DLG1: variants seen among roughly 807,000 people sequenced by gnomAD.
The protein encoded by DLG1 is discs large MAGUK scaffold protein 1.
A neutral mutation model predicts 123.4 loss-of-function variants in DLG1; 42 were observed. The ratio of observed to expected loss-of-function variants is 0.34; its 90% CI spans 0.27 to 0.44. The LOEUF is 0.44. Ranked by LOEUF, DLG1 falls within the 20% of genes least tolerant of loss-of-function variation. DLG1 has a pLI of 1.00. For synonymous variants in DLG1, 317 were observed against 356.2 expected (o/e 0.89, Z 1.24); for missense variants, 942 against 1,082.6 (o/e 0.87, Z 1.82).
chr3:197,145,968 CAACA>C (rs1480702617), intron 6 of DLG1, among the ~76,000 whole-genome samples: 2 of 150,040 alleles, frequency 1.3e-5, no homozygotes, highest in Non-Finnish European at 3.0e-5. Flanking sequence ...CCAACCTGGG[CAACA>C]AACAGAGTGA....
chr3:197,081,491 A>C (rs915346243), intron 16 of DLG1, among the ~76,000 whole-genome samples: 1 of 152,246 alleles, frequency 6.6e-6, no homozygotes, highest in Non-Finnish European at 1.5e-5. Flanking sequence ...AGCTAGAGAA[A>C]GCAAATGTGG....
At chr3:197,297,680 C>T (rs746792091) in intron 1 of DLG1, 220 of 989,130 alleles carry the variant, frequency 2.2e-4, no homozygotes, top group Non-Finnish European at 2.5e-4. Context: ...TGCCTTTCTC[C>T]TTGCTCGCTG....
chr3:197,118,122 A>T (rs934793288), intron 12 of DLG1, among the ~76,000 whole-genome samples: 1 of 152,192 alleles, frequency 6.6e-6, no homozygotes, highest in Non-Finnish European at 1.5e-5. Flanking sequence ...TAAAAGTCCA[A>T]TGCAATATTC....
At chr3:197,275,619 C>G (rs1766045289) in intron 4 of DLG1, among the ~76,000 whole-genome samples, 1 of 152,202 alleles carries the variant, frequency 6.6e-6, no homozygotes, top group South Asian at 2.1e-4. Flanking sequence ...TGAAGGATAT[C>G]TTATGAGAAA....
chr3:197,207,892 A>C (rs1729419362), intron 4 of DLG1, among the ~76,000 whole-genome samples: 1 of 145,766 alleles, frequency 6.9e-6, no homozygotes, highest in Non-Finnish European at 1.5e-5. Flanking sequence ...TATAACAAAG[A>C]CCTATATAGC....
At chr3:197,126,912 G>A (rs1779405488) in intron 11 of DLG1, among the ~76,000 whole-genome samples, 1 of 152,086 alleles carries the variant, frequency 6.6e-6, no homozygotes, top group African/African-American at 2.4e-5. Flanking sequence ...TGGAAGCACT[G>A]TTACTTTAAA....
At chr3:197,248,305 G>A (rs894324980) in intron 4 of DLG1, among the ~76,000 whole-genome samples, 1 of 152,110 alleles carries the variant, frequency 6.6e-6, no homozygotes, top group African/African-American at 2.4e-5. Flanking sequence ...GGTTGCTGCG[G>A]TATCTACTTG....
chr3:197,100,673 AG>A (rs1412461569), intron 14 of DLG1, among the ~76,000 whole-genome samples: 1 of 152,188 alleles, frequency 6.6e-6, no homozygotes, highest in Non-Finnish European at 1.5e-5. Context: ...GAGTAAGAAC[AG>A]GGTATGGAGA....
At chr3:197,275,348 T>G (rs190532871) in intron 4 of DLG1, among the ~76,000 whole-genome samples, 62 of 152,206 alleles carry the variant, frequency 4.1e-4, no homozygotes, top group African/African-American at 1.5e-3. Context: ...GAAAACAGCA[T>G]GGTCATTTCT....
rs375298741 is a variant in DLG1, at chr3:197,158,942, T to C, written c.484-9146A>G. Among the ~76,000 whole-genome samples the C allele has an allele frequency of 9.8e-5, 15 of 152,296 alleles. No homozygotes were observed. The East Asian group carries it at 1.3e-3, about 14-fold the overall frequency. On this transcript the variant is annotated intron_variant, in intron 5 of 24. Transcript: ENST00000667157. ...TAAAACATCTAGTTTTAAAGCAGAGTATTTACTCTAGGGTGCAAATAAGCC... is the reference window on the plus strand; with the variant it reads ...TAAAACATCTAGTTTTAAAGCAGAGCATTTACTCTAGGGTGCAAATAAGCC...
intron 15 of DLG1, among the ~76,000 whole-genome samples, chr3:197,086,322 T>C (rs1355217940): frequency 6.6e-6 from 1 of 152,228 alleles, no homozygotes; most frequent in Non-Finnish European, 1.5e-5. Context: ...TTGGAGAAAG[T>C]AATAATTTAA....
At chr3:197,232,527 G>A (rs1262416730) in intron 4 of DLG1, among the ~76,000 whole-genome samples, 1 of 151,896 alleles carries the variant, frequency 6.6e-6, no homozygotes, top group Non-Finnish European at 1.5e-5. Flanking sequence ...ATTCATGGAG[G>A]AAACAAAACT....
Position 197,082,167 on chromosome 3 carries a change from C to T in DLG1, c.1839-1050G>A, listed in dbSNP as rs1051102376. On this transcript the variant is annotated intron_variant, in intron 16 of 24. Coordinates refer to ENST00000667157, the MANE Select transcript of DLG1 (RefSeq NM_001366207.1). ...CGGGTGGATCACAAGGTCAGGAGTT[C>T]AAGACCAGTCTGGCCAACATGGTGA... 5.3e-5 allele frequency among the ~76,000 whole-genome samples: 8 copies of T among 152,052 alleles called. No individual in the cohort carries two copies. In the South Asian group the frequency reaches 1.7e-3, roughly 32 times the overall value.
intron 4 of DLG1, among the ~76,000 whole-genome samples, chr3:197,263,216 A>T (rs538191161): frequency 6.6e-6 from 1 of 152,188 alleles, no homozygotes; most frequent in East Asian, 1.9e-4. Flanking sequence ...TTTTTATCAC[A>T]TCTAGAGTAG....
At chr3:197,188,569 T>C (rs1268235100) in intron 5 of DLG1, among the ~76,000 whole-genome samples, 2 of 152,214 alleles carry the variant, frequency 1.3e-5, no homozygotes, top group Non-Finnish European at 2.9e-5. Context: ...ACTAAAGCTG[T>C]GCCTAATTTA....
At chr3:197,188,960 C>T (rs1440439906) in intron 5 of DLG1, among the ~76,000 whole-genome samples, 1 of 152,196 alleles carries the variant, frequency 6.6e-6, no homozygotes, top group Non-Finnish European at 1.5e-5. Flanking sequence ...TATTACACCC[C>T]TCAAATAATT....
intron 4 of DLG1, among the ~76,000 whole-genome samples, chr3:197,205,361 C>T (rs1487783577): frequency 6.6e-6 from 1 of 151,976 alleles, no homozygotes; most frequent in Non-Finnish European, 1.5e-5. Flanking sequence ...AAACTAGAAA[C>T]CAATCTCACT....
chr3:197,075,367 A>C (rs1027058267), intron 18 of DLG1, among the ~76,000 whole-genome samples: 1 of 127,654 alleles, frequency 7.8e-6, no homozygotes, highest in Non-Finnish European at 1.8e-5. Flanking sequence ...TCCCCTCAAT[A>C]AACTGCTACT....
intron 5 of DLG1, among the ~76,000 whole-genome samples, chr3:197,178,217 C>T (rs929269788): frequency 1.3e-5 from 2 of 152,076 alleles, no homozygotes; most frequent in Admixed American, 6.6e-5. Context: ...ATGTCTACTG[C>T]TGTAGTTCAG....
Sources: gnomAD v4.1 joint callset for allele counts (sites outside exome capture counted in the v4.1 genomes callset) on GRCh38, gnomAD v4.1.1 for gene constraint, MANE v1.5 for transcripts, NCBI Gene and HGNC (gene_info 2026-07-23, HGNC 2026-07-21) for gene names.